Variants in PDZD2 observed in about 807,000 individuals in gnomAD.
PDZD2 encodes the protein PDZ domain-containing protein 2.
A neutral mutation model predicts 220.7 loss-of-function variants in PDZD2; 90 were observed. The ratio of observed to expected loss-of-function variants is 0.41; its 90% CI spans 0.34 to 0.49. The LOEUF is 0.49. Among genes scored for constraint, PDZD2 ranks in the 20% least tolerant of loss-of-function variants. The probability of loss-of-function intolerance (pLI) is 0.28; values close to 1 mark genes in which losing one functional copy is unlikely to be tolerated. For synonymous variants in PDZD2, 1,375 were observed against 1,450.5 expected (o/e 0.95, Z 1.18); for missense variants, 3,174 against 3,608.5 (o/e 0.88, Z 3.08).
At chr5:31,725,500 A>G (rs1749071051) in intron 1 of PDZD2, 4 of 1,247,408 alleles carry the variant, frequency 3.2e-6, no homozygotes, top group Non-Finnish European at 1.1e-6. Flanking sequence ...TGAATGATCC[A>G]TGTCTAAAAA....
At chr5:31,811,720 T>A (rs1000139709) in intron 2 of PDZD2, among the ~76,000 whole-genome samples, 2 of 152,046 alleles carry the variant, frequency 1.3e-5, no homozygotes, top group Non-Finnish European at 2.9e-5. Context: ...CCAGGCAGGG[T>A]GGCTCATGCC....
intron 1 of PDZD2, among the ~76,000 whole-genome samples, chr5:31,736,881 T>C (rs935665825): frequency 5.9e-5 from 9 of 152,070 alleles, no homozygotes; most frequent in African/African-American, 2.2e-4. Flanking sequence ...GGTTTAAATG[T>C]GTGTGGCACC....
chr5:31,725,532 G>T, intron 1 of PDZD2: 1 of 1,366,544 alleles, frequency 7.3e-7, no homozygotes, highest in Non-Finnish European at 1.0e-6. Flanking sequence ...TATACTACCA[G>T]GGGCCACTGG....
chr5:31,894,613 C>T (rs928500572), intron 2 of PDZD2, among the ~76,000 whole-genome samples: 4 of 152,254 alleles, frequency 2.6e-5, no homozygotes, highest in African/African-American at 7.2e-5. Flanking sequence ...GACCCCTGTC[C>T]GCATGTACAC....
chr5:31,894,058 C>CT (rs35969573), intron 2 of PDZD2, among the ~76,000 whole-genome samples: 786 of 69,768 alleles, frequency 0.011, 11 homozygotes, highest in Middle Eastern at 0.022. Flanking sequence ...CCACGCCCAG[C>CT]TTTTTTTTTT....
At chr5:32,107,120 T>G (rs756464269) in intron 24 of PDZD2, among the ~76,000 whole-genome samples, 1 of 152,200 alleles carries the variant, frequency 6.6e-6, no homozygotes, top group Non-Finnish European at 1.5e-5. Context: ...TCAATGCCAT[T>G]TTTTTTCCAT....
chr5:31,756,819 G>A (rs755957), intron 1 of PDZD2, among the ~76,000 whole-genome samples: 9,339 of 152,284 alleles, frequency 0.061, 919 homozygotes, highest in African/African-American at 0.21. Flanking sequence ...CCTGCTGGGC[G>A]CCATGCAAAA....
chr5:31,932,843 A>G (rs1004429380), intron 2 of PDZD2, among the ~76,000 whole-genome samples: 9 of 151,424 alleles, frequency 5.9e-5, no homozygotes, highest in Admixed American at 2.0e-4. Flanking sequence ...AGTGCCTCAT[A>G]CGATTAAAAT....
At chr5:31,657,255 C>T (rs1404770947) in intron 1 of PDZD2, 2 of 152,252 alleles carry the variant, frequency 1.3e-5, no homozygotes, top group Non-Finnish European at 2.9e-5. Flanking sequence ...TGTGCAATGT[C>T]TTTGAGGGCA....
At chr5:31,729,944 C>CG (rs1749423729) in intron 1 of PDZD2, among the ~76,000 whole-genome samples, 1 of 152,150 alleles carries the variant, frequency 6.6e-6, no homozygotes, top group Non-Finnish European at 1.5e-5. Flanking sequence ...TCTCCTGTCT[C>CG]GGCCTTCTGA....
At chr5:31,985,876 C>T (rs1173829446) in intron 3 of PDZD2, among the ~76,000 whole-genome samples, 1 of 151,658 alleles carries the variant, frequency 6.6e-6, no homozygotes, top group East Asian at 1.9e-4. Context: ...GTCAGGAGTT[C>T]GAGACCAGCC....
intron 1 of PDZD2, among the ~76,000 whole-genome samples, chr5:31,729,978 C>T (rs561843621): frequency 1.4e-4 from 21 of 152,290 alleles, no homozygotes; most frequent in South Asian, 4.1e-4. Flanking sequence ...CAGGCACATG[C>T]CACCACGCCC....
chr5:32,100,781 C>T (rs1744179243), intron 23 of PDZD2: 3 of 753,840 alleles, frequency 4.0e-6, no homozygotes, highest in Non-Finnish European at 6.1e-6. Flanking sequence ...AAGTGCACAG[C>T]CGGTGTGGGG....
At chr5:31,993,538 T>A (rs954450302) in intron 3 of PDZD2, among the ~76,000 whole-genome samples, 9 of 152,266 alleles carry the variant, frequency 5.9e-5, no homozygotes, top group Admixed American at 5.9e-4. Context: ...ATTTTCTAAA[T>A]GCCACACATT....
chr5:31,740,273 C>G (rs1345458440), intron 1 of PDZD2, among the ~76,000 whole-genome samples: 3 of 151,866 alleles, frequency 2.0e-5, no homozygotes, highest in East Asian at 1.9e-4. Flanking sequence ...GTAATCCCAG[C>G]ACTTTGGGAG....
intron 2 of PDZD2, among the ~76,000 whole-genome samples, chr5:31,888,444 C>T (rs905276040): frequency 2.0e-5 from 3 of 152,164 alleles, no homozygotes; most frequent in Admixed American, 1.3e-4. Context: ...TGCCTGCCTC[C>T]GCCTCCCAAA....
chr5:32,071,353 T>G, intron 15 of PDZD2, 31 bp from the exon 16 acceptor site: 1 of 1,541,010 alleles, frequency 6.5e-7, no homozygotes, highest in Admixed American at 1.7e-5. Flanking sequence ...CTTTATTGTT[T>G]TGACAATATG....
intron 2 of PDZD2, among the ~76,000 whole-genome samples, chr5:31,812,236 G>A (rs2150244600): frequency 6.6e-6 from 1 of 152,174 alleles, no homozygotes; most frequent in South Asian, 2.1e-4. Context: ...GCTAAGGTGA[G>A]AAGCCTGAAA....
chr5:31,874,119 T>C (rs1739086725), intron 2 of PDZD2, among the ~76,000 whole-genome samples: 1 of 152,228 alleles, frequency 6.6e-6, no homozygotes, highest in Non-Finnish European at 1.5e-5. Context: ...CAATTCCATC[T>C]GCTTCAAGAA....
Sources: gnomAD v4.1 joint callset for allele counts (sites outside exome capture counted in the v4.1 genomes callset) on GRCh38, gnomAD v4.1.1 for gene constraint, MANE v1.5 for transcripts, NCBI Gene and HGNC (gene_info 2026-07-23, HGNC 2026-07-21) for gene names.